AGBL4: variants seen among roughly 807,000 people sequenced by gnomAD.
AGBL4 encodes the protein AGBL carboxypeptidase 4.
In AGBL4, 58 loss-of-function variants were observed where a neutral mutation model predicts 66.4. The ratio of observed to expected loss-of-function variants is 0.87; its 90% CI spans 0.71 to 1.09. The LOEUF (loss-of-function observed/expected upper bound fraction) is 1.09, where lower values mean the gene tolerates loss of function less well. Among genes scored for constraint, AGBL4 ranks in the 50% least tolerant of loss-of-function variants. The pLI, the probability that AGBL4 is intolerant of heterozygous loss-of-function variation, is 0.00. For synonymous variants in AGBL4, 234 were observed against 222.9 expected, an observed-to-expected ratio of 1.05 and a Z score of -0.44; for missense variants, 579 against 631.0, an observed-to-expected ratio of 0.92 and a Z score of 0.88.
chr1:49,512,275 C>T (rs966108439), intron 3 of AGBL4, among the ~76,000 whole-genome samples: 2 of 151,988 alleles, frequency 1.3e-5, no homozygotes, highest in African/African-American at 4.8e-5. Flanking sequence ...TTAAATCCTA[C>T]CTGCAATATT....
chr1:48,663,778 G>A (rs989505690), intron 6 of AGBL4, among the ~76,000 whole-genome samples: 11 of 152,098 alleles, frequency 7.2e-5, no homozygotes, highest in African/African-American at 2.7e-4. Flanking sequence ...CTCCTTTTGT[G>A]TCAGGCACAT....
chr1:48,819,814 T>C (rs961629881), intron 6 of AGBL4, among the ~76,000 whole-genome samples: 2 of 152,190 alleles, frequency 1.3e-5, no homozygotes, highest in Admixed American at 6.5e-5. Context: ...TTCTTGCCAA[T>C]AGGTGGTCCA....
At chr1:48,794,180 G>A (rs762213897) in intron 6 of AGBL4, among the ~76,000 whole-genome samples, 86 of 152,176 alleles carry the variant, frequency 5.7e-4, no homozygotes, top group Non-Finnish European at 1.2e-3. Context: ...AAAACCCAGA[G>A]ACTGTACCCA....
At chr1:49,518,740 T>C (rs1008523079) in intron 3 of AGBL4, among the ~76,000 whole-genome samples, 3 of 152,130 alleles carry the variant, frequency 2.0e-5, no homozygotes, top group Admixed American at 2.0e-4. Context: ...TTTGTCATTC[T>C]CATGATTAAA....
At chr1:48,835,067 G>A (rs1646644143) in intron 6 of AGBL4, among the ~76,000 whole-genome samples, 2 of 152,094 alleles carry the variant, frequency 1.3e-5, no homozygotes, top group Non-Finnish European at 2.9e-5. Context: ...TCTGTGAATG[G>A]TGAGTTATAA....
intron 9 of AGBL4, among the ~76,000 whole-genome samples, chr1:48,610,139 G>T: frequency 6.6e-6 from 1 of 152,350 alleles, no homozygotes; most frequent in Non-Finnish European, 1.5e-5. Context: ...AATAAAAAGA[G>T]CACGTGCCTA....
rs555764551 is a variant in AGBL4 at position 49,704,526 on chromosome 1, T to A, written c.158-7089A>T. Among the ~76,000 whole-genome samples the A allele has an allele frequency of 2.0e-5, 3 of 152,206 alleles. No homozygotes were observed. The South Asian group carries it at 6.2e-4, about 32-fold the overall frequency. On this transcript the variant is annotated intron_variant, in intron 2 of 13. Coordinates refer to ENST00000371839, the MANE Select transcript of AGBL4 (RefSeq NM_032785.4). ...AGAAGAAAATATAAAAGAATGATAC[T>A]GCCTAGGTTTTCTTCTAGGGTTTTT...
At chr1:49,731,732 C>A (rs1358437609) in intron 2 of AGBL4, among the ~76,000 whole-genome samples, 2 of 152,012 alleles carry the variant, frequency 1.3e-5, no homozygotes, top group Admixed American at 6.5e-5. Context: ...AAATAGCAAC[C>A]TTCAAAATTA....
chr1:49,584,028 G>C (rs1644598939), intron 3 of AGBL4, among the ~76,000 whole-genome samples: 1 of 152,132 alleles, frequency 6.6e-6, no homozygotes, highest in Non-Finnish European at 1.5e-5. Flanking sequence ...TACTCTTGTT[G>C]CCTTATTTTT....
intron 2 of AGBL4, among the ~76,000 whole-genome samples, chr1:49,847,746 G>A (rs1288567520): frequency 6.7e-6 from 1 of 148,534 alleles, no homozygotes; most frequent in Admixed American, 6.8e-5. Context: ...CTGTCACCCA[G>A]GCTGGAGGGC....
intron 1 of AGBL4, among the ~76,000 whole-genome samples, chr1:49,990,563 A>G (rs184856781): frequency 2.6e-5 from 4 of 152,318 alleles, no homozygotes; most frequent in Non-Finnish European, 5.9e-5. Flanking sequence ...AGTCTCAGGT[A>G]GTATCTTTAT....
At chr1:48,638,050 GC>G (rs1645695984) in intron 8 of AGBL4, among the ~76,000 whole-genome samples, 1 of 152,134 alleles carries the variant, frequency 6.6e-6, no homozygotes, top group African/African-American at 2.4e-5. Context: ...CCTCTCCTCT[GC>G]CCCCAAATAG....
chr1:49,656,272 C>A (rs1317884093), intron 3 of AGBL4, among the ~76,000 whole-genome samples: 1 of 152,124 alleles, frequency 6.6e-6, no homozygotes, highest in East Asian at 1.9e-4. Flanking sequence ...TGGATAAATT[C>A]CTCGACACAT....
intron 11 of AGBL4, chr1:48,584,793 T>A (rs536072463): frequency 9.2e-5 from 14 of 152,334 alleles, no homozygotes; most frequent in African/African-American, 3.4e-4. Context: ...GGACTGCGTG[T>A]GAGTTCCCTC....
rs1007719861 is a variant in AGBL4 at position 49,566,760 on chromosome 1, A to T, written c.282+130553T>A. On this transcript the variant is annotated intron_variant, in intron 3 of 13. Coordinates refer to ENST00000371839, the MANE Select transcript of AGBL4 (RefSeq NM_032785.4). ...CTCGGGGGTTAGGGACCCCTTGAGGAGGCAGTCTGCCCATTCTCAGATCTC... is the reference window on the plus strand; with the variant it reads ...CTCGGGGGTTAGGGACCCCTTGAGGTGGCAGTCTGCCCATTCTCAGATCTC... 3.4e-5 allele frequency among the ~76,000 whole-genome samples: 5 copies of T among 146,390 alleles called. No individual in the cohort carries two copies. The East Asian group carries it at 5.8e-4, about 17-fold the overall frequency.
At chr1:48,641,255 T>C (rs953443957) in intron 8 of AGBL4, among the ~76,000 whole-genome samples, 1 of 152,232 alleles carries the variant, frequency 6.6e-6, no homozygotes, top group Non-Finnish European at 1.5e-5. Flanking sequence ...CATGTCAGAA[T>C]GCCAGATAAT....
chr1:49,746,534 T>C (rs938053274), intron 2 of AGBL4, among the ~76,000 whole-genome samples: 2 of 152,024 alleles, frequency 1.3e-5, no homozygotes, highest in Admixed American at 6.6e-5. Context: ...TACATCCCTA[T>C]GTGATAGGTC....
chr1:49,748,118 C>T (rs1043923697), intron 2 of AGBL4, among the ~76,000 whole-genome samples: 1 of 151,996 alleles, frequency 6.6e-6, no homozygotes, highest in African/African-American at 2.4e-5. Context: ...CCCATCAAAC[C>T]GTCATCTACA....
intron 4 of AGBL4, among the ~76,000 whole-genome samples, chr1:49,143,479 C>A (rs1646157544): frequency 6.6e-6 from 1 of 152,158 alleles, no homozygotes; most frequent in African/African-American, 2.4e-5. Context: ...TCTATCTCTG[C>A]ATCAGTTGCA....
Sources: gnomAD v4.1 joint callset for allele counts (sites outside exome capture counted in the v4.1 genomes callset) on GRCh38, gnomAD v4.1.1 for gene constraint, MANE v1.5 for transcripts, NCBI Gene and HGNC (gene_info 2026-07-23, HGNC 2026-07-21) for gene names.